CCDC68: variants seen among roughly 807,000 people sequenced by gnomAD.
The protein encoded by CCDC68 is coiled-coil domain containing 68.
CCDC68 carries 45 observed loss-of-function variants against 47.1 expected under a neutral mutation model. That is an observed-to-expected ratio of 0.96 (90% CI 0.75 to 1.23). The LOEUF is 1.23. Among genes scored for constraint, CCDC68 ranks in the 50% most tolerant of loss-of-function variants. The pLI, the probability that CCDC68 is intolerant of heterozygous loss-of-function variation, is 0.00. For synonymous variants in CCDC68, 131 were observed against 129.5 expected, an observed-to-expected ratio of 1.01 and a Z score of -0.08; for missense variants, 353 against 373.6, an observed-to-expected ratio of 0.94 and a Z score of 0.45.
chr18:54,942,073 C>T (rs960554103), intron 3 of CCDC68, among the ~76,000 whole-genome samples: 7 of 152,204 alleles, frequency 4.6e-5, no homozygotes, highest in Non-Finnish European at 1.0e-4. Context: ...GCTGGGATTA[C>T]AGGCATGAGC....
chr18:54,917,852 CA>C, intron 10 of CCDC68, 60 bp downstream of exon 10: 13 of 724,196 alleles, frequency 1.8e-5, no homozygotes, highest in Non-Finnish European at 3.0e-5. Flanking sequence ...CACACACACA[CA>C]CACACACACA....
intron 10 of CCDC68, among the ~76,000 whole-genome samples, chr18:54,914,425 C>A (rs1599031309): frequency 6.6e-6 from 1 of 152,042 alleles, no homozygotes; most frequent in East Asian, 1.9e-4. Flanking sequence ...CGAGACCAGC[C>A]TGGCCAACAT....
At chr18:54,907,743 AC>A in intron 11 of CCDC68, 42 bp downstream of exon 11, 1 of 1,083,226 alleles carries the variant, frequency 9.2e-7, no homozygotes, top group South Asian at 1.3e-5. Context: ...AACATGTTCA[AC>A]ATAGGTTGTG....
At position 54,937,971 on chromosome 18, in the gene CCDC68, C is replaced by T; in HGVS notation, c.331G>A (p.Val111Ile). The T allele has an allele frequency of 6.2e-7, 1 of 1,610,710 alleles. No individual in the cohort carries two copies. Among genetic ancestry groups the T allele is most frequent in the Non-Finnish European group, 8.5e-7 (1 of 1,178,868 alleles). ...AAAAGTCATACCTTGATTTTCAATACTTCATTCTCTTTGTTCATTTCTAAG... is the reference window on the plus strand; with the variant it reads ...AAAAGTCATACCTTGATTTTCAATATTTCATTCTCTTTGTTCATTTCTAAG... ...QLLEMNKENE[V>I]LKIKLQASRE... The change falls in exon 5 of 12, where the codon GTA becomes ATA. Residue 111 changes from valine (V) to isoleucine (I), a missense_variant. Coordinates refer to ENST00000591504, the MANE Select transcript of CCDC68 (RefSeq NM_025214.3).
intron 8 of CCDC68, among the ~76,000 whole-genome samples, chr18:54,923,450 A>G (rs973038002): frequency 1.5e-4 from 23 of 152,168 alleles, no homozygotes; most frequent in Non-Finnish European, 2.6e-4. Flanking sequence ...TAAAAAAAAA[A>G]AAAAAATTGA....
intron 7 of CCDC68, among the ~76,000 whole-genome samples, chr18:54,930,151 AT>A (rs1599058230): frequency 3.3e-5 from 5 of 152,274 alleles, no homozygotes; most frequent in Admixed American, 2.6e-4. Context: ...CTCCTATACT[AT>A]TTTTCACTTT....
chr18:54,946,764 A>C (rs2044534852), intron 1 of CCDC68, among the ~76,000 whole-genome samples: 2 of 152,188 alleles, frequency 1.3e-5, no homozygotes, highest in Admixed American at 1.3e-4. Context: ...AACAAGTTAC[A>C]TAAAATCTTT....
At chr18:54,918,514 T>C (rs2043994703) in intron 9 of CCDC68, among the ~76,000 whole-genome samples, 1 of 152,198 alleles carries the variant, frequency 6.6e-6, no homozygotes, top group African/African-American at 2.4e-5. Context: ...AGACCAACTT[T>C]GGCACCACTA....
intron 4 of CCDC68, among the ~76,000 whole-genome samples, 186 bp downstream of exon 4, chr18:54,940,811 C>T (rs552629500): frequency 4.6e-5 from 7 of 152,314 alleles, no homozygotes; most frequent in African/African-American, 1.7e-4. Flanking sequence ...AAGGCCTAGC[C>T]ATTCCAATTT....
At position 54,908,756 on chromosome 18, in the gene CCDC68, T is replaced by C. The variant is rs1367456171; in HGVS notation, c.874-894A>G. On this transcript the variant is annotated intron_variant, in intron 10 of 11. Coordinates refer to ENST00000591504, the MANE Select transcript of CCDC68 (RefSeq NM_025214.3). ...TTTTTTTTGACAGTGTCTGGCTCCG[T>C]CACCCAGGCTGGATACAGTATCTCG... is the stretch of plus-strand genomic sequence containing the variant. 1.5e-4 allele frequency among the ~76,000 whole-genome samples: 23 copies of C among 152,132 alleles called. 1 individual carries two copies. The highest frequency in any genetic ancestry group is 1.5e-3 in the Admixed American group (23 of 15,288).
chr18:54,932,563 G>C (rs931501716), intron 7 of CCDC68, among the ~76,000 whole-genome samples: 151 of 152,130 alleles, frequency 9.9e-4, no homozygotes, highest in African/African-American at 3.6e-3. Flanking sequence ...CCACCCTCCA[G>C]AGATTCCAGT....
intron 8 of CCDC68, among the ~76,000 whole-genome samples, chr18:54,923,925 C>G (rs1190319950): frequency 6.6e-6 from 1 of 152,052 alleles, no homozygotes; most frequent in African/African-American, 2.4e-5. Context: ...GTTGGCCAGG[C>G]TGACCTCAAG....
chr18:54,907,715 T>G (rs1480743585), intron 11 of CCDC68, 71 bp downstream of exon 11: 1 of 833,616 alleles, frequency 1.2e-6, no homozygotes, highest in Non-Finnish European at 2.1e-6. Flanking sequence ...GAATCTTTCT[T>G]GAGTGGGTTG....
chr18:54,906,680 C>A (rs1388795043), intron 11 of CCDC68, among the ~76,000 whole-genome samples: 2 of 152,174 alleles, frequency 1.3e-5, no homozygotes, highest in African/African-American at 4.8e-5. Context: ...CTTTTCACAT[C>A]TTCCCCAACT....
At chr18:54,946,097 T>C (rs1043499005) in intron 1 of CCDC68, among the ~76,000 whole-genome samples, 1 of 152,198 alleles carries the variant, frequency 6.6e-6, no homozygotes, top group Non-Finnish European at 1.5e-5. Context: ...AAATTTAGTA[T>C]TCATAAAAAT....
chr18:54,934,721 C>CT (rs2044314741), intron 7 of CCDC68, 99 bp downstream of exon 7: 1 of 851,152 alleles, frequency 1.2e-6, no homozygotes. Context: ...ATAATATTAT[C>CT]TTATTTAATT....
At chr18:54,950,788 G>GTGTGTATATATATATATATATATATATA (rs994670303) in intron 1 of CCDC68, among the ~76,000 whole-genome samples, 2 of 97,302 alleles carry the variant, frequency 2.1e-5, no homozygotes, top group African/African-American at 7.8e-5. Context: ...TATCTTCAGT[G>GTGTGTATATATATATATATATATATATA]TATATATATA....
At chr18:54,915,911 AGAGT>A (rs2043942462) in intron 10 of CCDC68, among the ~76,000 whole-genome samples, 1 of 152,176 alleles carries the variant, frequency 6.6e-6, no homozygotes, top group Non-Finnish European at 1.5e-5. Context: ...CCTAGGCGAC[AGAGT>A]GAGATCCTGT....
chr18:54,913,995 T>C (rs2043900323), intron 10 of CCDC68, among the ~76,000 whole-genome samples: 1 of 152,218 alleles, frequency 6.6e-6, no homozygotes, highest in African/African-American at 2.4e-5. Flanking sequence ...AACTTGGCAC[T>C]TCCTAAGCAA....
Sources: gnomAD v4.1 joint callset for allele counts (sites outside exome capture counted in the v4.1 genomes callset) on GRCh38, gnomAD v4.1.1 for gene constraint, MANE v1.5 for transcripts, NCBI Gene and HGNC (gene_info 2026-07-23, HGNC 2026-07-21) for gene names.